ADARB1: variants seen among roughly 807,000 people sequenced by gnomAD.
ADARB1 encodes the protein double-stranded RNA-specific editase 1.
In ADARB1, 10 loss-of-function variants were observed where a neutral mutation model predicts 52.4. The ratio of observed to expected loss-of-function variants is 0.19; its 90% CI spans 0.12 to 0.32. ADARB1 has a LOEUF of 0.32. Ranked by LOEUF, ADARB1 falls within the 10% of genes least tolerant of loss-of-function variation. ADARB1 has a pLI of 1.00. For missense variants in ADARB1, 643 were observed against 922.3 expected (o/e 0.70, Z 3.92); for synonymous variants, 349 against 371.1 (o/e 0.94, Z 0.68).
rs565894924 is a variant in ADARB1 at position 45,103,242 on chromosome 21, G to A, written c.-219-25160G>A. Among the ~76,000 whole-genome samples the A allele has an allele frequency of 1.0e-3, 159 of 152,202 alleles. 1 individual carries two copies. The highest frequency in any genetic ancestry group is 3.7e-3 in the African/African-American group (152 of 41,528). The stretch of plus-strand genomic sequence containing the variant: ...ACAATGTGTTAATTAATACTGGTCC[G>A]TTAAACCAGCAGTCCTCAACCTTTT... On this transcript the variant is annotated intron_variant, in intron 1 of 10. Transcript: ENST00000348831.
At chr21:45,148,482 C>T (rs2090121125) in intron 2 of ADARB1, among the ~76,000 whole-genome samples, 1 of 152,210 alleles carries the variant, frequency 6.6e-6, no homozygotes, top group Non-Finnish European at 1.5e-5. Context: ...CTCCCCTTTG[C>T]TGTAATGTCG....
intron 9 of ADARB1, among the ~76,000 whole-genome samples, chr21:45,219,568 GTCTT>G (rs1445977447): frequency 1.2e-4 from 18 of 152,148 alleles, no homozygotes; most frequent in Non-Finnish European, 2.6e-4. Flanking sequence ...TGTCAGTGCA[GTCTT>G]TCTTACATTA....
chr21:45,176,654 A>G lies in ADARB1; in HGVS notation c.953A>G (p.His318Arg). 6.2e-7 allele frequency: 1 copy of G among 1,607,712 alleles called. No homozygotes were observed. The highest frequency in any genetic ancestry group is 8.5e-7 in the Non-Finnish European group (1 of 1,176,746). ...QPIPSEGLQLHLPQVLADAVS... is the reference protein window; with the variant it reads ...QPIPSEGLQLRLPQVLADAVS... The stretch of plus-strand genomic sequence containing the variant: ...ATTCCCAGTGAGGGTCTTCAGCTGC[A>G]TTTACCGCAGGTGAGGAACTATGCT... The change falls in exon 4 of 11, where the codon CAT (histidine) becomes CGT (arginine). Residue 318 changes from histidine (H) to arginine (R), a missense_variant. Transcript: ENST00000348831. This position sits in a 1 kb window ranked among gnomAD's most constrained non-coding sequence, Gnocchi z 5.8.
intron 1 of ADARB1, 81 bp downstream of exon 1, chr21:45,074,874 G>A (rs1245964885): frequency 6.7e-6 from 1 of 149,872 alleles, no homozygotes; most frequent in Non-Finnish European, 1.5e-5. Flanking sequence ...GTAAGCGCCG[G>A]GCAGGGACTG....
intron 1 of ADARB1, among the ~76,000 whole-genome samples, chr21:45,076,856 TA>T (rs1212622970): frequency 5.9e-5 from 9 of 152,246 alleles, no homozygotes; most frequent in African/African-American, 2.2e-4. Flanking sequence ...TTCCCTGTTT[TA>T]GGCCCTAGGA....
At chr21:45,169,585 G>A (rs1448119401) in intron 2 of ADARB1, among the ~76,000 whole-genome samples, 1 of 152,124 alleles carries the variant, frequency 6.6e-6, no homozygotes, top group Non-Finnish European at 1.5e-5. Context: ...GTCTTTTTAT[G>A]TGTGTTTTAT....
At chr21:45,094,721 A>G (rs2086688326) in intron 1 of ADARB1, among the ~76,000 whole-genome samples, 1 of 151,908 alleles carries the variant, frequency 6.6e-6, no homozygotes, top group Non-Finnish European at 1.5e-5. Context: ...AACCTCTCGC[A>G]TCATGTTGAG....
chr21:45,165,085 C>T (rs943624885), intron 2 of ADARB1, among the ~76,000 whole-genome samples: 4 of 152,198 alleles, frequency 2.6e-5, no homozygotes, highest in Admixed American at 6.5e-5. Flanking sequence ...AGGCCCACCC[C>T]CGCCCAGCCA....
At position 45,176,258 on chromosome 21, in the gene ADARB1, C is replaced by T. The variant is rs755455385; in HGVS notation, c.557C>T (p.Ala186Val). The change falls in exon 4 of 11, where the codon GCG becomes GTG. Residue 186 changes from alanine (A) to valine (V), a missense_variant. Physicochemically the swap from Ala to Val is moderately conservative, Grantham distance 64. This residue lies in a region of ADARB1 where 380 missense variants were observed against 446.5 expected (regional missense o/e 0.85). Coordinates refer to ENST00000348831, the MANE Select transcript of ADARB1 (RefSeq NM_001112.4). This position sits in a 1 kb window ranked among gnomAD's most constrained non-coding sequence, Gnocchi z 5.8. Reference sequence around the variant, plus strand: ...AATGGTTTTGAAACTCCTGACAAGGCGGAGCCTCCCTTTTACGTGGGCTCC... The same window carrying T: ...AATGGTTTTGAAACTCCTGACAAGGTGGAGCCTCCCTTTTACGTGGGCTCC... ...LFNGFETPDK[A>V]EPPFYVGSNG... 7.2e-5 allele frequency: 117 copies of T among 1,614,198 alleles called. No individual in the cohort carries two copies. In the East Asian group the frequency reaches 1.6e-3, roughly 22 times the overall value.
intron 1 of ADARB1, among the ~76,000 whole-genome samples, chr21:45,088,593 C>T (rs1201667258): frequency 1.3e-5 from 2 of 152,130 alleles, no homozygotes; most frequent in Non-Finnish European, 2.9e-5. Context: ...CGCCTTCAGG[C>T]GGCACTATGG....
intron 8 of ADARB1, among the ~76,000 whole-genome samples, chr21:45,197,499 CAA>C (rs58085027): frequency 3.9e-4 from 44 of 113,642 alleles, no homozygotes; most frequent in Admixed American, 7.3e-4. Flanking sequence ...GACTCTGTCT[CAA>C]AAAAAAAAAA....
At chr21:45,174,971 C>T (rs947948330) in intron 3 of ADARB1, among the ~76,000 whole-genome samples, 2 of 152,104 alleles carry the variant, frequency 1.3e-5, no homozygotes, top group Non-Finnish European at 2.9e-5. Context: ...TGTTCTTACA[C>T]ACTTTTCCTA....
chr21:45,097,429 G>T (rs2086811072), intron 1 of ADARB1, among the ~76,000 whole-genome samples: 1 of 151,796 alleles, frequency 6.6e-6, no homozygotes, highest in Non-Finnish European at 1.5e-5. Context: ...CCATGGTAGA[G>T]AATCATGATT....
At chr21:45,087,096 C>A (rs1480913182) in intron 1 of ADARB1, among the ~76,000 whole-genome samples, 1 of 152,148 alleles carries the variant, frequency 6.6e-6, no homozygotes, top group African/African-American at 2.4e-5. Flanking sequence ...TTGATGTTTT[C>A]CCCCCACTTA....
intron 1 of ADARB1, among the ~76,000 whole-genome samples, chr21:45,113,690 A>G (rs2087672716): frequency 6.6e-6 from 1 of 151,968 alleles, no homozygotes; most frequent in Non-Finnish European, 1.5e-5. Flanking sequence ...CTGATACTTG[A>G]GCAGCCCTGC....
Position 45,139,614 on chromosome 21 carries a change from G to C in ADARB1, c.-48+11041G>C, listed in dbSNP as rs369039101. Among the ~76,000 whole-genome samples the C allele has an allele frequency of 2.1e-4, 32 of 152,302 alleles. No homozygotes were observed. The East Asian group carries it at 6.2e-3, about 29-fold the overall frequency. ...TCCTCTGTCACGTGGGGCAGGGAAG[G>C]TGCCTGTCGGGCGCAGCGAGCGTGG... is the stretch of plus-strand genomic sequence containing the variant. On this transcript the variant is annotated intron_variant, in intron 2 of 10. Coordinates refer to ENST00000348831, the MANE Select transcript of ADARB1 (RefSeq NM_001112.4).
intron 1 of ADARB1, among the ~76,000 whole-genome samples, chr21:45,121,218 A>G (rs987292324): frequency 2.6e-5 from 4 of 152,146 alleles, no homozygotes; most frequent in African/African-American, 9.7e-5. Context: ...GTGCTTTCAC[A>G]TGCTGCTTCC....
intron 9 of ADARB1, among the ~76,000 whole-genome samples, chr21:45,207,444 A>G (rs1308012343): frequency 8.5e-5 from 13 of 152,202 alleles, no homozygotes; most frequent in Admixed American, 8.5e-4. Context: ...TCAGAATTGA[A>G]GCCGAAGGCA....
chr21:45,111,457 G>A (rs897044414), intron 1 of ADARB1, among the ~76,000 whole-genome samples: 1 of 152,064 alleles, frequency 6.6e-6, no homozygotes, highest in African/African-American at 2.4e-5. Context: ...ATGACCCCAT[G>A]TTGACACCTC....
Sources: allele counts gnomAD v4.1 joint callset (sites outside exome capture counted in the v4.1 genomes callset), GRCh38; gene constraint gnomAD v4.1.1; regional missense constraint gnomAD v4.1.1; non-coding constraint Gnocchi (gnomAD v3.1); transcripts MANE v1.5; gene names NCBI Gene and HGNC (gene_info 2026-07-23, HGNC 2026-07-21).